MYT1L: variants seen among roughly 807,000 people sequenced by gnomAD.
The protein encoded by MYT1L is myelin transcription factor 1-like protein.
Under a neutral mutation model 126.7 loss-of-function variants are expected in MYT1L, and 12 were observed. That is an observed-to-expected ratio of 0.09 (90% CI 0.06 to 0.15). The LOEUF (loss-of-function observed/expected upper bound fraction) is 0.15, where lower values mean the gene tolerates loss of function less well. Among genes scored for constraint, MYT1L ranks in the 10% least tolerant of loss-of-function variants. MYT1L has a pLI of 1.00. For synonymous variants in MYT1L, 541 were observed against 604.2 expected (o/e 0.90, Z 1.53); for missense variants, 979 against 1,585.2 (o/e 0.62, Z 6.49).
chr2:2,247,768 C>A (rs2094561752), intron 2 of MYT1L, among the ~76,000 whole-genome samples: 1 of 151,966 alleles, frequency 6.6e-6, no homozygotes, highest in Non-Finnish European at 1.5e-5. Context: ...AGAAATTAAA[C>A]AGCATGTTCC....
chr2:2,328,087 A>G (rs2096262458), intron 1 of MYT1L, among the ~76,000 whole-genome samples: 1 of 152,234 alleles, frequency 6.6e-6, no homozygotes, highest in Non-Finnish European at 1.5e-5. Context: ...ATAAATGTAA[A>G]GTATTTATAA....
At chr2:2,150,065 T>G (rs2148291732) in intron 3 of MYT1L, among the ~76,000 whole-genome samples, 1 of 152,306 alleles carries the variant, frequency 6.6e-6, no homozygotes, top group Admixed American at 6.5e-5. Context: ...GGCTCTGCCA[T>G]CTTCCACCTC....
intron 1 of MYT1L, chr2:2,327,124 T>A (rs1026947524): frequency 1.3e-5 from 2 of 152,232 alleles, no homozygotes; most frequent in Non-Finnish European, 1.5e-5. Context: ...ATTTGTATTA[T>A]TTCATATGAG....
chr2:1,818,860 G>A (rs1439250502), intron 21 of MYT1L, among the ~76,000 whole-genome samples: 1 of 152,242 alleles, frequency 6.6e-6, no homozygotes, highest in African/African-American at 2.4e-5. Flanking sequence ...CAAACAGGGT[G>A]CTCTCAAACC....
intron 3 of MYT1L, among the ~76,000 whole-genome samples, chr2:2,163,680 C>G (rs1350197676): frequency 6.7e-6 from 1 of 149,994 alleles, no homozygotes; most frequent in Non-Finnish European, 1.5e-5. Flanking sequence ...TGCAGTGAGC[C>G]GATACTGAGA....
chr2:1,819,671 G>A (rs893974855), intron 21 of MYT1L, among the ~76,000 whole-genome samples: 4 of 152,222 alleles, frequency 2.6e-5, no homozygotes, highest in Non-Finnish European at 5.9e-5. Flanking sequence ...CACATGGTCC[G>A]ATGATGTGAT....
Position 1,943,058 on chromosome 2 carries a change from G to T in MYT1L, c.429C>A (p.Asp143Glu), listed in dbSNP as rs372013056. Residue 143 changes from aspartate to glutamate, a missense_variant, in exon 9 of 25, where the codon GAC becomes GAA. Coordinates refer to ENST00000647738, the MANE Select transcript of MYT1L (RefSeq NM_001303052.2). This position sits in a 1 kb window ranked among gnomAD's most constrained non-coding sequence, Gnocchi z 4.4. ...EEIEEEDEDD[D>E]EDGEDVEDEE... ...CATCCTCCACATCTTCTCCATCCTC[G>T]TCATCGTCCTCATCCTCCTCCTCGA... The T allele has an allele frequency of 6.8e-7, 1 of 1,469,208 alleles. No individual in the cohort carries two copies. Among genetic ancestry groups the T allele is most frequent in the Non-Finnish European group, 9.3e-7 (1 of 1,073,816 alleles). The allele number at this position is 1,469,208 out of a possible 1,614,324, so 91.0% of individuals were successfully genotyped here.
intron 3 of MYT1L, among the ~76,000 whole-genome samples, chr2:2,077,016 A>C (rs1184959749): frequency 6.6e-6 from 1 of 152,224 alleles, no homozygotes; most frequent in African/African-American, 2.4e-5. Flanking sequence ...AAAATAAATA[A>C]CCAAATAAAT....
intron 2 of MYT1L, among the ~76,000 whole-genome samples, chr2:2,208,917 A>C (rs1231099128): frequency 6.6e-6 from 1 of 151,990 alleles, no homozygotes; most frequent in Non-Finnish European, 1.5e-5. Context: ...GCTATCCCAA[A>C]TTTTTATCAA....
chr2:2,241,470 T>C lies in MYT1L; in HGVS notation c.-421+42934A>G, dbSNP rs150382640. On this transcript the variant is annotated intron_variant, in intron 2 of 24. Coordinates refer to ENST00000647738, the MANE Select transcript of MYT1L (RefSeq NM_001303052.2). ...AGCTGCCTGTCCACACACTGCTTTA[T>C]GAGGCCAGGAACTCATTGCGGCCCT... Among the ~76,000 whole-genome samples the C allele has an allele frequency of 5.9e-5, 9 of 152,342 alleles. No homozygotes were observed. In the East Asian group the frequency reaches 1.5e-3, roughly 26 times the overall value.
At chr2:2,282,609 T>C (rs1036708909) in intron 2 of MYT1L, among the ~76,000 whole-genome samples, 13 of 152,216 alleles carry the variant, frequency 8.5e-5, no homozygotes, top group Admixed American at 7.9e-4. Context: ...AGAAAATCAT[T>C]AACAGTGTGA....
rs1294227850 is a variant in MYT1L at position 2,290,800 on chromosome 2, AT to A, written c.-520-6298del. ...TCTGGGGTGAGGCCCAGGCATCAGT[AT>A]TTTTTTTAAGGTCCCCTGGTGATCC... On this transcript the variant is annotated intron_variant, in intron 1 of 24. Coordinates refer to ENST00000647738, the MANE Select transcript of MYT1L (RefSeq NM_001303052.2). Among the ~76,000 whole-genome samples, 110 of 152,166 alleles carry A rather than the reference AT, an allele frequency of 7.2e-4. 3 individuals are homozygous for A. The East Asian group carries it at 0.02, about 28-fold the overall frequency.
At chr2:2,156,563 T>C (rs1265961863) in intron 3 of MYT1L, among the ~76,000 whole-genome samples, 1 of 152,248 alleles carries the variant, frequency 6.6e-6, no homozygotes, top group Non-Finnish European at 1.5e-5. Context: ...TTAATGTAGA[T>C]TAGAAGTTTA....
intron 8 of MYT1L, among the ~76,000 whole-genome samples, chr2:1,969,702 C>T (rs2059662639): frequency 6.6e-6 from 1 of 152,212 alleles, no homozygotes; most frequent in Admixed American, 6.5e-5. Context: ...TGTAAATCCT[C>T]TTTTCTTCAG....
intron 3 of MYT1L, among the ~76,000 whole-genome samples, chr2:2,068,888 G>C (rs1407425679): frequency 6.8e-6 from 1 of 147,404 alleles, no homozygotes; most frequent in African/African-American, 2.5e-5. Flanking sequence ...TCCTTGGTAA[G>C]TAGGATAAGA....
At chr2:2,033,368 G>T (rs979863858) in intron 4 of MYT1L, among the ~76,000 whole-genome samples, 1 of 145,136 alleles carries the variant, frequency 6.9e-6, no homozygotes, top group Admixed American at 6.9e-5. Flanking sequence ...ATTCCAGAAG[G>T]AGGGCCTTAC....
chr2:2,023,524 T>G (rs1198139254), intron 4 of MYT1L, among the ~76,000 whole-genome samples: 1 of 151,984 alleles, frequency 6.6e-6, no homozygotes, highest in Non-Finnish European at 1.5e-5. Flanking sequence ...TAATATCCAG[T>G]GGGTGTGGAC....
intron 21 of MYT1L, among the ~76,000 whole-genome samples, chr2:1,821,822 G>A (rs568144225): frequency 6.6e-6 from 1 of 152,304 alleles, no homozygotes; most frequent in African/African-American, 2.4e-5. Flanking sequence ...CAAGGCCTTG[G>A]GGCCTGTCCA....
intron 23 of MYT1L, among the ~76,000 whole-genome samples, chr2:1,800,649 G>A (rs2034674433): frequency 6.6e-6 from 1 of 152,218 alleles, no homozygotes. Flanking sequence ...ACACCCGGCT[G>A]ACTATGGGAA....
Sources: gnomAD v4.1 joint callset for allele counts (sites outside exome capture counted in the v4.1 genomes callset) on GRCh38, gnomAD v4.1.1 for gene constraint, Gnocchi (gnomAD v3.1) non-coding constraint, MANE v1.5 for transcripts, NCBI Gene and HGNC (gene_info 2026-07-23, HGNC 2026-07-21) for gene names.